TIMD4: variants seen among roughly 807,000 people sequenced by gnomAD.
The protein encoded by TIMD4 is T-cell immunoglobulin and mucin domain-containing protein 4.
In TIMD4, 31 loss-of-function variants were observed where a neutral mutation model predicts 41.2. That is an observed-to-expected ratio of 0.75 (90% CI 0.57 to 1.01). The LOEUF (loss-of-function observed/expected upper bound fraction) is 1.01, where lower values mean the gene tolerates loss of function less well. Among genes scored for constraint, TIMD4 ranks in the 50% least tolerant of loss-of-function variants. The pLI is 0.00. For synonymous variants in TIMD4, 204 were observed against 177.1 expected (o/e 1.15, Z -1.21); for missense variants, 479 against 472.5 (o/e 1.01, Z -0.13).
intron 1 of TIMD4, among the ~76,000 whole-genome samples, chr5:156,961,129 A>G (rs1393677663): frequency 6.6e-6 from 1 of 152,240 alleles, no homozygotes; most frequent in African/African-American, 2.4e-5. Flanking sequence ...AGAAGAAAAA[A>G]TGTTTAACAT....
chr5:156,949,830 T>G, intron 3 of TIMD4, 99 bp from the exon 4 acceptor site: 2 of 743,134 alleles, frequency 2.7e-6, no homozygotes, highest in Admixed American at 4.3e-5. Flanking sequence ...AATTAATTAA[T>G]TTTTTGAAAC....
chr5:156,926,495 A>G (rs1759350348), intron 5 of TIMD4, among the ~76,000 whole-genome samples, 183 bp from the exon 6 acceptor site: 1 of 152,232 alleles, frequency 6.6e-6, no homozygotes, highest in Non-Finnish European at 1.5e-5. Flanking sequence ...TGTAAATTTT[A>G]TCTGCTATAC....
rs750922432 is a variant in TIMD4 at position 156,922,151 on chromosome 5, G to T, written c.960C>A (p.Ala320=). ...CGAAGAGCACAAATCCCAAGGAGGG[G>T]GCGATGATCATCAGTAGTTGGGAGA... ...MPISQLLMII[A]PSLGFVLFAL... is the part of the protein sequence containing the mutation. The change falls in exon 7 of 9, where the codon GCC becomes GCA. Residue 320 remains alanine (A), a synonymous_variant. Transcript: ENST00000274532. 6.2e-7 allele frequency: 1 copy of T among 1,613,984 alleles called. No individual in the cohort carries two copies. The highest frequency in any genetic ancestry group is 8.5e-7 in the Non-Finnish European group (1 of 1,179,954).
At chr5:156,948,779 G>C (rs1453367209) in intron 4 of TIMD4, among the ~76,000 whole-genome samples, 1 of 152,230 alleles carries the variant, frequency 6.6e-6, no homozygotes, top group Non-Finnish European at 1.5e-5. Context: ...GCAGGAAAGA[G>C]GCAGGATTTG....
In TIMD4 at chr5:156,954,715, G is replaced by A. The variant is rs775298433; in HGVS notation, c.100C>T (p.His34Tyr). The stretch of plus-strand genomic sequence containing the variant: ...TACAGACAGGGCAAAGTCACCCGGT[G>A]ACCCAAAACCTCCGTCACAACAGTC... ...SETVVTEVLGHRVTLPCLYSS... is the reference protein window; with the variant it reads ...SETVVTEVLGYRVTLPCLYSS... Residue 34 changes from histidine (H) to tyrosine (Y), a missense_variant, in exon 2 of 9, where the codon CAC becomes TAC. Physicochemically the swap from His to Tyr is moderately conservative, Grantham distance 83. Transcript: ENST00000274532. 4 of 1,613,812 alleles carry A rather than the reference G, an allele frequency of 2.5e-6. No homozygotes were observed. In the South Asian group the frequency reaches 3.3e-5, roughly 13 times the overall value.
At chr5:156,921,616 C>CAAAAAAAAAAAAAAAAAAAAAAAAAA in intron 7 of TIMD4, among the ~76,000 whole-genome samples, 1 of 47,270 alleles carries the variant, frequency 2.1e-5, no homozygotes, top group Non-Finnish European at 4.0e-5. Flanking sequence ...GAGACTCTCT[C>CAAAAAAAAAAAAAAAAAAAAAAAAAA]AAAAAAAAAA....
intron 5 of TIMD4, among the ~76,000 whole-genome samples, chr5:156,932,786 C>A (rs1554082743): frequency 6.6e-6 from 1 of 152,160 alleles, no homozygotes; most frequent in Non-Finnish European, 1.5e-5. Context: ...GCGGATGGAT[C>A]ACCTGAGGTC....
At position 156,919,349 on chromosome 5, in the gene TIMD4, A is replaced by C; in HGVS notation, c.*108T>G. On this transcript the variant is annotated 3_prime_UTR_variant, in exon 9 of 9. Transcript: ENST00000274532. ...ACTAAAGCAAGCCTGGATCAATGACATCCATGGAATAAGTGAGTCTTTTTT... is the reference window on the plus strand; with the variant it reads ...ACTAAAGCAAGCCTGGATCAATGACCTCCATGGAATAAGTGAGTCTTTTTT... 3 of 965,330 alleles carry C rather than the reference A, an allele frequency of 3.1e-6. No individual in the cohort carries two copies. The highest frequency in any genetic ancestry group is 4.8e-6 in the Non-Finnish European group (3 of 623,162). The allele number at this position is 965,330 out of a possible 1,614,324, so 59.8% of individuals were successfully genotyped here.
At chr5:156,935,834 T>G (rs1219486791) in intron 5 of TIMD4, among the ~76,000 whole-genome samples, 3 of 152,222 alleles carry the variant, frequency 2.0e-5, no homozygotes, top group African/African-American at 7.2e-5. Context: ...TGCCAATAGC[T>G]GAGGGTCTCA....
chr5:156,941,794 T>A (rs766281463), intron 5 of TIMD4, among the ~76,000 whole-genome samples: 1 of 152,204 alleles, frequency 6.6e-6, no homozygotes, highest in Non-Finnish European at 1.5e-5. Flanking sequence ...CCACATAAAG[T>A]GCAACCAAAT....
At chr5:156,958,313 GGAA>G (rs1561555984) in intron 1 of TIMD4, among the ~76,000 whole-genome samples, 3 of 8,386 alleles carry the variant, frequency 3.6e-4, no homozygotes, top group African/African-American at 7.4e-4. Context: ...AAGAAGGAAA[GGAA>G]AGGAAAGGAA....
chr5:156,924,542 C>T, intron 6 of TIMD4: 1 of 390,570 alleles, frequency 2.6e-6, no homozygotes, highest in Non-Finnish European at 5.1e-6. Context: ...TACCCAGTTT[C>T]ATAGGATTAG....
intron 5 of TIMD4, among the ~76,000 whole-genome samples, chr5:156,941,507 A>G (rs953764189): frequency 6.6e-6 from 1 of 152,196 alleles, no homozygotes; most frequent in Non-Finnish European, 1.5e-5. Context: ...GTCTTTGCTC[A>G]TGCTGTTCTT....
rs1759813462 is a variant in TIMD4, at chr5:156,949,549, C to A, written c.760+102G>T. 9 of 1,008,784 alleles carry A rather than the reference C, an allele frequency of 8.9e-6. No individual in the cohort carries two copies. The Admixed American group carries it at 9.8e-5, about 11-fold the overall frequency. 62.5% of individuals were successfully genotyped at this position (1,008,784 alleles called of 1,614,324 possible). On this transcript the variant is annotated intron_variant, in intron 4 of 8. Transcript: ENST00000274532. ...AGGGGGATTTTATGGCACAAAAGAC[C>A]CAAAGAGGTTGTCAGTCATCTGATT...
rs71578911 is a variant in TIMD4, at chr5:156,961,808, C to CAAAAAAAAAAAAAAAAAAAAAAAAAAAAA, written c.58+1332_58+1333insTTTTTTTTTTTTTTTTTTTTTTTTTTTTT. Among the ~76,000 whole-genome samples, 16 of 27,988 alleles carry CAAAAAAAAAAAAAAAAAAAAAAAAAAAAA rather than the reference C, an allele frequency of 5.7e-4. 2 individuals carry two copies. Among genetic ancestry groups the CAAAAAAAAAAAAAAAAAAAAAAAAAAAAA allele is most frequent in the Admixed American group, 7.3e-4 (1 of 1,370 alleles). 18.4% of individuals were successfully genotyped at this position (27,988 alleles called of 152,430 possible). On this transcript the variant is annotated intron_variant, in intron 1 of 8. Coordinates refer to ENST00000274532, the MANE Select transcript of TIMD4 (RefSeq NM_138379.3). ...TAGGCAAAAGAGCGAGACTCCGTCT[C>CAAAAAAAAAAAAAAAAAAAAAAAAAAAAA]AAAAAAAAAAAAAAAAAAAAAAAAA...
chr5:156,948,428 G>A lies in TIMD4; in HGVS notation c.832C>T (p.Pro278Ser), dbSNP rs936396131. 6.7e-7 allele frequency: 1 copy of A among 1,496,284 alleles called. No homozygotes were observed. The highest frequency in any genetic ancestry group is 2.0e-5 in the Admixed American group (1 of 50,524). The allele number at this position is 1,496,284 out of a possible 1,614,324, so 92.7% of individuals were successfully genotyped here. A position where few individuals can be genotyped will look rare whatever the true frequency, so the allele number is the denominator to read the frequency against. Reference protein sequence around the residue: ...MWKTSDSVSSPQPGASDTAVP... With the variant: ...MWKTSDSVSSSQPGASDTAVP... Reference sequence around the variant, plus strand: ...ACAGCCCCCCTACCTCCAGGCTGAGGAGAAGACACAGAATCACTCGTTTTC... The same window carrying A: ...ACAGCCCCCCTACCTCCAGGCTGAGAAGAAGACACAGAATCACTCGTTTTC... Residue 278 changes from proline (P) to serine (S), a missense_variant, in exon 5 of 9, where the codon CCT (proline) becomes TCT (serine). Pro to Ser is a moderately conservative substitution (Grantham distance 74). Coordinates refer to ENST00000274532, the MANE Select transcript of TIMD4 (RefSeq NM_138379.3).
chr5:156,930,785 GAGA>G (rs1157100765), intron 5 of TIMD4, among the ~76,000 whole-genome samples: 4 of 152,224 alleles, frequency 2.6e-5, no homozygotes, highest in Non-Finnish European at 4.4e-5. Flanking sequence ...GTCTGGTCTA[GAGA>G]AGAAGGAGTC....
At chr5:156,961,845 A>G (rs569702734) in intron 1 of TIMD4, among the ~76,000 whole-genome samples, 30 of 150,040 alleles carry the variant, frequency 2.0e-4, no homozygotes, top group African/African-American at 6.8e-4. Flanking sequence ...AAGAAAGAAA[A>G]AAAAAAAGAA....
rs1052728369 is a variant in TIMD4, at chr5:156,954,310, C to CA, written c.400+104dup. ...TTATTTCAAATTCAATCTTCCCACT[C>CA]ACTGTGAAAGCAACTCTAACCTCTT... On this transcript the variant is annotated intron_variant, in intron 2 of 8. Coordinates refer to ENST00000274532, the MANE Select transcript of TIMD4 (RefSeq NM_138379.3). 7.8e-5 allele frequency: 84 copies of CA among 1,082,844 alleles called. No individual in the cohort carries two copies. In the African/African-American group the frequency reaches 1.0e-3, roughly 13 times the overall value. The allele number at this position is 1,082,844 out of a possible 1,614,324, so 67.1% of individuals were successfully genotyped here. A position where few individuals can be genotyped will look rare whatever the true frequency, so the allele number is the denominator to read the frequency against.
Sources: gnomAD v4.1 joint callset for allele counts (sites outside exome capture counted in the v4.1 genomes callset) on GRCh38, gnomAD v4.1.1 for gene constraint, MANE v1.5 for transcripts, NCBI Gene and HGNC (gene_info 2026-07-23, HGNC 2026-07-21) for gene names.